Variants in FGGY observed in about 807,000 individuals in gnomAD.
The protein encoded by FGGY is FGGY carbohydrate kinase domain-containing protein.
In FGGY, 72 loss-of-function variants were observed where a neutral mutation model predicts 71.3. That is an observed-to-expected ratio of 1.01 (90% CI 0.84 to 1.23). The LOEUF (loss-of-function observed/expected upper bound fraction) is 1.23, where lower values mean the gene tolerates loss of function less well. FGGY is among the 50% of genes most tolerant of loss of function. The pLI, the probability that FGGY is intolerant of heterozygous loss-of-function variation, is 0.00. For synonymous variants in FGGY, 251 were observed against 250.3 expected (o/e 1.00, Z -0.02); for missense variants, 668 against 682.3 (o/e 0.98, Z 0.23).
intron 14 of FGGY, among the ~76,000 whole-genome samples, chr1:59,679,446 A>G (rs1329257250): frequency 1.3e-5 from 2 of 152,084 alleles, no homozygotes; most frequent in African/African-American, 2.4e-5. Flanking sequence ...GTTCAGAAGT[A>G]TGAAACCATC....
In FGGY at chr1:59,520,444, C is replaced by T. The variant is rs555405308; in HGVS notation, c.799+8005C>T. On this transcript the variant is annotated intron_variant, in intron 7 of 15. Transcript: ENST00000303721. ...TTCCTTTGTTACTCATCCATCAGCA[C>T]TCAGTCTAAATGTTACTTTGTGGAA... Among the ~76,000 whole-genome samples, 12 of 152,308 alleles carry T rather than the reference C, an allele frequency of 7.9e-5. No homozygotes were observed. The East Asian group carries it at 2.3e-3, about 29-fold the overall frequency.
chr1:59,619,794 A>G (rs1162695268), intron 9 of FGGY, among the ~76,000 whole-genome samples: 1 of 152,048 alleles, frequency 6.6e-6, no homozygotes, highest in Non-Finnish European at 1.5e-5. Context: ...ACTGCTGCCT[A>G]CTGTGTTGCT....
intron 4 of FGGY, among the ~76,000 whole-genome samples, chr1:59,365,075 C>A (rs1425876776): frequency 3.3e-5 from 5 of 152,100 alleles, no homozygotes; most frequent in Non-Finnish European, 7.4e-5. Context: ...GTTGGAGGTA[C>A]AGTGGGACAT....
chr1:59,584,130 T>A (rs1214694741), intron 8 of FGGY, among the ~76,000 whole-genome samples: 1 of 149,410 alleles, frequency 6.7e-6, no homozygotes, highest in East Asian at 2.0e-4. Context: ...TTCCAGCCAA[T>A]AGAAAAAGAG....
intron 14 of FGGY, among the ~76,000 whole-genome samples, chr1:59,682,531 G>C (rs2097511079): frequency 6.6e-6 from 1 of 152,188 alleles, no homozygotes; most frequent in Non-Finnish European, 1.5e-5. Context: ...TAGAGGCGAG[G>C]GAAAAGTGCA....
At chr1:59,456,488 G>A (rs985680874) in intron 5 of FGGY, among the ~76,000 whole-genome samples, 2 of 135,734 alleles carry the variant, frequency 1.5e-5, no homozygotes, top group Non-Finnish European at 3.1e-5. Context: ...TCACCCTGTT[G>A]CCCAGGCTGG....
At chr1:59,672,673 G>C (rs1015002694) in intron 13 of FGGY, among the ~76,000 whole-genome samples, 1 of 152,174 alleles carries the variant, frequency 6.6e-6, no homozygotes, top group Non-Finnish European at 1.5e-5. Context: ...TGGGTAGCTG[G>C]AGGAAAGAAT....
Position 59,608,014 on chromosome 1 carries a change from C to T in FGGY, c.1011+104C>T, listed in dbSNP as rs547971690. ...CCCAATATCTGGAGGATTTGCAGACCCCTGAATCGGGGTGTACTTTCTCTT... is the reference window on the plus strand; with the variant it reads ...CCCAATATCTGGAGGATTTGCAGACTCCTGAATCGGGGTGTACTTTCTCTT... On this transcript the variant is annotated intron_variant, in intron 9 of 15. Transcript: ENST00000303721. 1.7e-5 allele frequency: 15 copies of T among 873,694 alleles called. No individual in the cohort carries two copies. In the South Asian group the frequency reaches 2.1e-4, roughly 12 times the overall value. The allele number at this position is 873,694 out of a possible 1,614,324, so 54.1% of individuals were successfully genotyped here.
intron 4 of FGGY, among the ~76,000 whole-genome samples, chr1:59,356,361 C>T (rs1006876673): frequency 6.6e-6 from 1 of 152,156 alleles, no homozygotes. Flanking sequence ...GTTTTTCCTT[C>T]TGCCTGGCAA....
At chr1:59,672,014 G>A (rs1464959534) in intron 13 of FGGY, among the ~76,000 whole-genome samples, 5 of 152,142 alleles carry the variant, frequency 3.3e-5, no homozygotes, top group African/African-American at 4.8e-5. Flanking sequence ...AGGAAGGCCC[G>A]GGAAGTGAAT....
chr1:59,588,008 G>A (rs1421328800), intron 8 of FGGY, among the ~76,000 whole-genome samples: 2 of 152,132 alleles, frequency 1.3e-5, no homozygotes, highest in Non-Finnish European at 2.9e-5. Context: ...GCTACAGAAG[G>A]AAATTCAAAC....
chr1:59,605,381 C>T (rs1274334853), intron 8 of FGGY, among the ~76,000 whole-genome samples: 3 of 152,210 alleles, frequency 2.0e-5, no homozygotes, highest in African/African-American at 4.8e-5. Flanking sequence ...TAATTGTTCA[C>T]TCTGGTCTGC....
intron 7 of FGGY, 84 bp from the exon 8 acceptor site, chr1:59,554,040 G>A: frequency 9.1e-7 from 1 of 1,101,900 alleles, no homozygotes; most frequent in Non-Finnish European, 1.3e-6. Flanking sequence ...TTAAAAAGAA[G>A]ATTTGTTAAT....
intron 9 of FGGY, among the ~76,000 whole-genome samples, chr1:59,620,647 T>G (rs2096797859): frequency 6.6e-6 from 1 of 152,152 alleles, no homozygotes; most frequent in Non-Finnish European, 1.5e-5. Flanking sequence ...TTAAGTTATC[T>G]ATTGGCATCT....
rs150594632 is a variant in FGGY, at chr1:59,683,271, G to A, written c.1512+9138G>A. On this transcript the variant is annotated intron_variant, in intron 14 of 15. Transcript: ENST00000303721. ...AAGTAATGTGCCTGTGGTCTAGCAA[G>A]TGAGAGAGCCAGCACTCAAATTCAG... Among the ~76,000 whole-genome samples the A allele has an allele frequency of 6.0e-4, 91 of 152,330 alleles. 2 individuals carry two copies. Among genetic ancestry groups the A allele is most frequent in the African/African-American group, 2.2e-3 (90 of 41,578 alleles).
At chr1:59,351,221 C>T (rs537453453) in intron 4 of FGGY, among the ~76,000 whole-genome samples, 123 of 152,316 alleles carry the variant, frequency 8.1e-4, no homozygotes, top group African/African-American at 2.8e-3. Flanking sequence ...GAGACTATGT[C>T]GCCTACAGGG....
intron 7 of FGGY, among the ~76,000 whole-genome samples, chr1:59,521,146 T>G (rs961962560): frequency 5.9e-5 from 9 of 152,186 alleles, no homozygotes; most frequent in Non-Finnish European, 1.5e-5. Flanking sequence ...TTCCTGGATG[T>G]GAATCACAGA....
chr1:59,755,275 A>G (rs1381984159), intron 14 of FGGY: 2 of 152,136 alleles, frequency 1.3e-5, no homozygotes, highest in Non-Finnish European at 2.9e-5. Flanking sequence ...CGTCACGTGT[A>G]TTATCCTTAA....
At chr1:59,718,569 G>T (rs1027116741) in intron 14 of FGGY, among the ~76,000 whole-genome samples, 1 of 152,204 alleles carries the variant, frequency 6.6e-6, no homozygotes, top group Non-Finnish European at 1.5e-5. Flanking sequence ...ACTACCACCA[G>T]TGGCATAGCA....
Sources: gnomAD v4.1 joint callset for allele counts (sites outside exome capture counted in the v4.1 genomes callset) on GRCh38, gnomAD v4.1.1 for gene constraint, MANE v1.5 for transcripts, NCBI Gene and HGNC (gene_info 2026-07-23, HGNC 2026-07-21) for gene names.